Variants in PDE4D observed in about 807,000 individuals in gnomAD.
The protein encoded by PDE4D is phosphodiesterase 4D, also known as 3',5'-cyclic-AMP phosphodiesterase 4D.
Under a neutral mutation model 87.4 loss-of-function variants are expected in PDE4D, and 24 were observed. That is an observed-to-expected ratio of 0.27 (90% CI 0.20 to 0.39). The LOEUF is 0.39. Ranked by LOEUF, PDE4D falls within the 10% of genes least tolerant of loss-of-function variation. The probability of loss-of-function intolerance (pLI) is 1.00; values close to 1 mark genes in which losing one functional copy is unlikely to be tolerated. For synonymous variants in PDE4D, 384 were observed against 383.2 expected (o/e 1.00, Z -0.02); for missense variants, 714 against 1,041.0 (o/e 0.69, Z 4.32).
At chr5:59,873,905 T>A (rs930264495) in intron 1 of PDE4D, among the ~76,000 whole-genome samples, 1 of 152,150 alleles carries the variant, frequency 6.6e-6, no homozygotes, top group Admixed American at 6.6e-5. Flanking sequence ...TGTTAATAAT[T>A]GCATATATAA....
chr5:59,588,210 C>T (rs572530531), intron 1 of PDE4D, among the ~76,000 whole-genome samples: 1 of 151,898 alleles, frequency 6.6e-6, no homozygotes, highest in African/African-American at 2.4e-5. Context: ...TAAAACGTTG[C>T]AATCCCTATC....
intron 1 of PDE4D, among the ~76,000 whole-genome samples, chr5:59,690,210 A>G (rs1279195945): frequency 1.3e-5 from 2 of 152,234 alleles, no homozygotes; most frequent in East Asian, 3.8e-4. Context: ...AGAATTGGAA[A>G]AAAACTACTT....
intron 1 of PDE4D, among the ~76,000 whole-genome samples, chr5:59,855,696 T>C (rs1335453493): frequency 1.1e-4 from 16 of 152,122 alleles, no homozygotes; most frequent in African/African-American, 3.9e-4. Flanking sequence ...CAATGTATTC[T>C]TAGGAGGCAG....
At chr5:59,500,734 CG>C (rs1232353158) in intron 1 of PDE4D, among the ~76,000 whole-genome samples, 1 of 152,082 alleles carries the variant, frequency 6.6e-6, no homozygotes, top group Non-Finnish European at 1.5e-5. Context: ...CAAGCCTGCA[CG>C]TGTACTCCCT....
intron 5 of PDE4D, among the ~76,000 whole-genome samples, chr5:59,106,783 C>A (rs1490695321): frequency 1.3e-5 from 2 of 152,106 alleles, no homozygotes; most frequent in African/African-American, 4.8e-5. Flanking sequence ...AACCAAAAAA[C>A]ACCACACCAT....
At chr5:59,100,845 T>A (rs185968207) in intron 5 of PDE4D, among the ~76,000 whole-genome samples, 16 of 152,270 alleles carry the variant, frequency 1.1e-4, no homozygotes, top group Admixed American at 4.6e-4. Flanking sequence ...CAATAGGAAA[T>A]CTAATATCTC....
intron 1 of PDE4D, among the ~76,000 whole-genome samples, chr5:60,284,707 T>G (rs974881263): frequency 6.6e-6 from 1 of 152,142 alleles, no homozygotes; most frequent in African/African-American, 2.4e-5. Flanking sequence ...ATCCCCACTT[T>G]AAAATAGAGA....
intron 1 of PDE4D, among the ~76,000 whole-genome samples, chr5:59,641,899 G>A (rs138821537): frequency 1.8e-3 from 273 of 152,186 alleles, no homozygotes; most frequent in African/African-American, 6.2e-3. Context: ...CATTATTTTT[G>A]ATGTAGCAAC....
At chr5:59,113,827 T>G (rs1261073903) in intron 5 of PDE4D, among the ~76,000 whole-genome samples, 1 of 152,158 alleles carries the variant, frequency 6.6e-6, no homozygotes, top group Admixed American at 6.5e-5. Context: ...GTATCCAATC[T>G]CACAGATTTG....
chr5:60,203,296 A>G (rs1191913932), intron 1 of PDE4D, among the ~76,000 whole-genome samples: 1 of 152,194 alleles, frequency 6.6e-6, no homozygotes, highest in Non-Finnish European at 1.5e-5. Flanking sequence ...ATACTTAACA[A>G]TAGCAGATTA....
intron 1 of PDE4D, among the ~76,000 whole-genome samples, chr5:60,285,077 T>C (rs1209688886): frequency 6.6e-6 from 1 of 152,050 alleles, no homozygotes; most frequent in African/African-American, 2.4e-5. Flanking sequence ...TCTTTTATGA[T>C]TGGCTCACCT....
intron 1 of PDE4D, among the ~76,000 whole-genome samples, chr5:60,458,602 T>A (rs1227170500): frequency 6.6e-6 from 1 of 152,118 alleles, no homozygotes; most frequent in Non-Finnish European, 1.5e-5. Flanking sequence ...AAAATATATC[T>A]GGACTTCATC....
intron 1 of PDE4D, among the ~76,000 whole-genome samples, chr5:60,339,580 A>G (rs78251254): frequency 0.027 from 4,060 of 152,336 alleles, 161 homozygotes; most frequent in African/African-American, 0.093. Context: ...CTTGAAATAA[A>G]GGGTGCCTCC....
At chr5:59,838,146 T>C (rs897373740) in intron 1 of PDE4D, among the ~76,000 whole-genome samples, 1 of 152,062 alleles carries the variant, frequency 6.6e-6, no homozygotes, top group Non-Finnish European at 1.5e-5. Context: ...AGTGGAGTTG[T>C]TCTGATGATA....
At chr5:59,497,565 C>G (rs1279466518) in intron 1 of PDE4D, among the ~76,000 whole-genome samples, 1 of 151,956 alleles carries the variant, frequency 6.6e-6, no homozygotes, top group Non-Finnish European at 1.5e-5. Flanking sequence ...TAACAACAGA[C>G]TATACCAAGC....
At chr5:59,569,886 C>G (rs1821537591) in intron 1 of PDE4D, among the ~76,000 whole-genome samples, 2 of 152,146 alleles carry the variant, frequency 1.3e-5, no homozygotes, top group Admixed American at 1.3e-4. Flanking sequence ...GATGCAGGGT[C>G]AAGTGCATTC....
In PDE4D at chr5:59,227,422, G is replaced by GA. The variant is rs11348414; in HGVS notation, c.456-11455dup. 3.0e-4 allele frequency among the ~76,000 whole-genome samples: 45 copies of GA among 150,404 alleles called. No homozygotes were observed. In the South Asian group the frequency reaches 3.8e-3, roughly 13 times the overall value. On this transcript the variant is annotated intron_variant, in intron 1 of 14. Coordinates refer to ENST00000340635, the MANE Select transcript of PDE4D (RefSeq NM_001104631.2). ...ATTAAACTAAAGAGCTTCTGCACAGGAAAAAAAAACACAACTATTAACAGA... is the reference window on the plus strand; with the variant it reads ...ATTAAACTAAAGAGCTTCTGCACAGGAAAAAAAAAACACAACTATTAACAGA...
intron 2 of PDE4D, among the ~76,000 whole-genome samples, chr5:59,200,161 AAGTATACACGTGTATGTATATATG>A (rs1243311229): frequency 1.5e-5 from 2 of 133,820 alleles, no homozygotes; most frequent in Admixed American, 1.5e-4. Context: ...ATGTATATAT[AAGTATACACGTGTATGTATATATG>A]TATACATACA....
chr5:59,695,596 T>C (rs1431263850), intron 1 of PDE4D, among the ~76,000 whole-genome samples: 1 of 152,040 alleles, frequency 6.6e-6, no homozygotes, highest in African/African-American at 2.4e-5. Flanking sequence ...TGGTGTGTAT[T>C]TGATTTTATT....
Sources: gnomAD v4.1 joint callset for allele counts (sites outside exome capture counted in the v4.1 genomes callset) on GRCh38, gnomAD v4.1.1 for gene constraint, MANE v1.5 for transcripts, NCBI Gene and HGNC (gene_info 2026-07-23, HGNC 2026-07-21) for gene names.